The following IL36A variants were observed in gnomAD, a reference collection of about 807,000 sequenced individuals.
IL36A encodes the protein interleukin 36 alpha, also known as interleukin-36 alpha.
In IL36A, 13 loss-of-function variants were observed where a neutral mutation model predicts 12.7. The ratio of observed to expected loss-of-function variants is 1.02; its 90% CI spans 0.67 to 1.63. The LOEUF (loss-of-function observed/expected upper bound fraction) is 1.63, where lower values mean the gene tolerates loss of function less well. Among genes scored for constraint, IL36A ranks in the 40% most tolerant of loss-of-function variants. IL36A has a pLI of 0.00. For missense variants in IL36A, 195 were observed against 192.9 expected (o/e 1.01, Z -0.07); for synonymous variants, 73 against 71.9 (o/e 1.01, Z -0.08).
At chr2:113,008,077 A>G, downstream of IL36A, 1 of 1,551,148 alleles carries the variant, frequency 6.4e-7, no homozygotes, top group Non-Finnish European at 8.9e-7. Flanking sequence ...GTCTCCATGC[A>G]GGGAAAATCT....
intron 1 of IL36A, 46 bp downstream of exon 1, chr2:113,005,927 T>G (rs1372598264): frequency 6.2e-7 from 1 of 1,612,986 alleles, no homozygotes; most frequent in South Asian, 1.1e-5. Flanking sequence ...GGGGGTGATA[T>G]TCTGTGCTCT....
chr2:113,007,800 T>G (rs1684652611), intron 3 of IL36A, 32 bp from the exon 4 acceptor site: 1 of 1,534,454 alleles, frequency 6.5e-7, no homozygotes, highest in East Asian at 2.2e-5. Flanking sequence ...AACAGTTATG[T>G]TTCTTGCTGG....
Position 113,005,567 on chromosome 2 carries a change from T to G in IL36A, c.-305T>G. ...GCTGGAAAGTCTGGTGACCTCTGAT[T>G]TTTTTTGCTTCCAGGTCTTTGGCCT... On this transcript the variant is annotated 5_prime_UTR_variant, in exon 1 of 4. The change creates a new upstream start codon in the 5' untranslated region. Transcript: ENST00000259211. The G allele has an allele frequency of 1.9e-6, 1 of 515,014 alleles. No individual in the cohort carries two copies. The highest frequency in any genetic ancestry group is 3.5e-6 in the Non-Finnish European group (1 of 285,440). The allele number at this position is 515,014 out of a possible 1,614,324, so 31.9% of individuals were successfully genotyped here.
Position 113,007,958 on chromosome 2 carries a change from A to C in IL36A, c.391A>C (p.Ser131Arg). Residue 131 changes from serine (S) to arginine (R), a missense_variant, in exon 4 of 4, where the codon AGC becomes CGC. Transcript: ENST00000259211. ...TTTCCCTGGCTGGTTCATCGCTGTC[A>C]GCTCTGAAGGAGGCTGTCCTCTCAT... is the stretch of plus-strand genomic sequence containing the variant. ...VAFPGWFIAV[S>R]SEGGCPLILT... The C allele has an allele frequency of 6.2e-7, 1 of 1,614,212 alleles. No individual in the cohort carries two copies. Among genetic ancestry groups the C allele is most frequent in the Middle Eastern group, 1.6e-4 (1 of 6,062 alleles).
At chr2:113,007,027 T>C (rs1383628537) in intron 3 of IL36A, among the ~76,000 whole-genome samples, 2 of 152,216 alleles carry the variant, frequency 1.3e-5, no homozygotes, top group East Asian at 3.8e-4. Flanking sequence ...AGCAGTTAAT[T>C]ATCACAAAGT....
rs182845963 is a variant in IL36A at position 113,006,025 on chromosome 2, G to T, written c.62G>T (p.Arg21Leu). The change falls in exon 2 of 4, where the codon CGG becomes CTG. Residue 21 changes from arginine (R) to leucine (L), a missense_variant. Coordinates refer to ENST00000259211, the MANE Select transcript of IL36A (RefSeq NM_014440.3). ...QQGSIQDINHRVWVLQDQTLI... is the reference protein window; with the variant it reads ...QQGSIQDINHLVWVLQDQTLI... ...GGGAGCATTCAGGATATCAATCATC[G>T]GGTGTGGGTTCTTCAGGACCAGACG... 8 of 1,613,926 alleles carry T rather than the reference G, an allele frequency of 5.0e-6. No homozygotes were observed. The Admixed American group carries it at 6.7e-5, about 13-fold the overall frequency.
downstream of IL36A, among the ~76,000 whole-genome samples, chr2:113,010,006 T>C (rs1219656711): frequency 1.3e-5 from 2 of 151,098 alleles, no homozygotes; most frequent in East Asian, 3.9e-4. Flanking sequence ...TTTGAAGACT[T>C]CTTTTTAATC....
chr2:113,008,346 G>A (rs1430818532), downstream of IL36A, among the ~76,000 whole-genome samples: 1 of 151,450 alleles, frequency 6.6e-6, no homozygotes, highest in Non-Finnish European at 1.5e-5. Flanking sequence ...GTAAAAATGA[G>A]GGTGGTGACT....
At position 113,006,632 on chromosome 2, in the gene IL36A, G is replaced by A. The variant is rs759586374; in HGVS notation, c.159G>A (p.Glu53=). The change falls in exon 3 of 4, where the codon GAG becomes GAA. Residue 53 remains glutamate (E), a synonymous_variant. Coordinates refer to ENST00000259211, the MANE Select transcript of IL36A (RefSeq NM_014440.3). ...CCTTAATCTCATGCCGACATGTGGAGACCCTTGAGAAAGACAGAGGGAACC... is the reference window on the plus strand; with the variant it reads ...CCTTAATCTCATGCCGACATGTGGAAACCCTTGAGAAAGACAGAGGGAACC... ...TIALISCRHV[E]TLEKDRGNPI... 9.9e-6 allele frequency: 16 copies of A among 1,613,994 alleles called. No individual in the cohort carries two copies. The highest frequency in any genetic ancestry group is 1.2e-5 in the Non-Finnish European group (14 of 1,180,020).
At chr2:113,010,629 A>G (rs1409387466), downstream of IL36A, among the ~76,000 whole-genome samples, 1 of 152,140 alleles carries the variant, frequency 6.6e-6, no homozygotes, top group African/African-American at 2.4e-5. Context: ...ATTTATGTCT[A>G]CTTGTTTTTA....
rs1457270338 is a variant in IL36A, at chr2:113,007,976, C to T, written c.409C>T (p.Pro137Ser). 6.2e-7 allele frequency: 1 copy of T among 1,614,062 alleles called. No homozygotes were observed. Among genetic ancestry groups the T allele is most frequent in the Non-Finnish European group, 8.5e-7 (1 of 1,180,044 alleles). Reference protein sequence around the residue: ...FIAVSSEGGCPLILTQELGKA... With the variant: ...FIAVSSEGGCSLILTQELGKA... ...CGCTGTCAGCTCTGAAGGAGGCTGT[C>T]CTCTCATCCTTACCCAAGAACTGGG... is the stretch of plus-strand genomic sequence containing the variant. The change falls in exon 4 of 4, where the codon CCT becomes TCT. Residue 137 changes from proline (P) to serine (S), a missense_variant. Transcript: ENST00000259211.
chr2:113,005,814 G>T lies in IL36A; in HGVS notation c.-58G>T, dbSNP rs1684601795. 1.2e-6 allele frequency: 2 copies of T among 1,604,140 alleles called. No individual in the cohort carries two copies. On this transcript the variant is annotated 5_prime_UTR_variant, in exon 1 of 4. Coordinates refer to ENST00000259211, the MANE Select transcript of IL36A (RefSeq NM_014440.3). ...GGACTGACTCAGGTCCTCTCTTGGG[G>T]TCGGTCTGCACATAAAAGGACTCCT...
At chr2:113,008,509 C>G, downstream of IL36A, 1 of 224,792 alleles carries the variant, frequency 4.4e-6, no homozygotes, top group South Asian at 5.6e-5. Context: ...TACAGGCGCC[C>G]GCTACCACGC....
downstream of IL36A, among the ~76,000 whole-genome samples, chr2:113,008,774 G>A (rs544038359): frequency 6.6e-6 from 1 of 151,800 alleles, no homozygotes; most frequent in Non-Finnish European, 1.5e-5. Flanking sequence ...GTGCTGGTTT[G>A]GGTGAAGAAC....
At chr2:113,007,195 A>G (rs994509233) in intron 3 of IL36A, among the ~76,000 whole-genome samples, 1 of 152,194 alleles carries the variant, frequency 6.6e-6, no homozygotes, top group Non-Finnish European at 1.5e-5. Flanking sequence ...AACTCTCTTG[A>G]CCCTTTTCAG....
chr2:113,010,756 A>G (rs1684714223), downstream of IL36A, among the ~76,000 whole-genome samples: 1 of 152,186 alleles, frequency 6.6e-6, no homozygotes, highest in African/African-American at 2.4e-5. Context: ...TGCCTAATAA[A>G]TTTTTAAATG....
downstream of IL36A, among the ~76,000 whole-genome samples, chr2:113,010,135 CATT>C (rs1222536382): frequency 6.6e-6 from 1 of 151,980 alleles, no homozygotes; most frequent in Middle Eastern, 3.2e-3. Context: ...GTTTACTTTC[CATT>C]ATATTTTTAC....
In IL36A at chr2:113,006,649, G is replaced by C. The variant is rs770700259; in HGVS notation, c.176G>C (p.Arg59Thr). 59 of 1,614,054 alleles carry C rather than the reference G, an allele frequency of 3.7e-5. No homozygotes were observed. In the East Asian group the frequency reaches 1.3e-3, roughly 35 times the overall value. The change falls in exon 3 of 4, where the codon AGA becomes ACA. Residue 59 changes from arginine (R) to threonine (T), a missense_variant. Physicochemically the swap from Arg to Thr is moderately conservative, Grantham distance 71. Coordinates refer to ENST00000259211, the MANE Select transcript of IL36A (RefSeq NM_014440.3). ...CRHVETLEKDRGNPIYLGLNG... is the reference protein window; with the variant it reads ...CRHVETLEKDTGNPIYLGLNG... ...CATGTGGAGACCCTTGAGAAAGACA[G>C]AGGGAACCCCATCTACCTGGGCCTG... is the stretch of plus-strand genomic sequence containing the variant.
chr2:113,008,138 C>T, downstream of IL36A: 1 of 1,037,180 alleles, frequency 9.6e-7, no homozygotes, highest in Admixed American at 2.0e-5. Context: ...ATTGGACTTT[C>T]CACCTAAGAG....
Sources: allele counts gnomAD v4.1 joint callset (sites outside exome capture counted in the v4.1 genomes callset), GRCh38; gene constraint gnomAD v4.1.1; transcripts MANE v1.5; gene names NCBI Gene and HGNC (gene_info 2026-07-23, HGNC 2026-07-21).